The following CCDC38 variants were observed in gnomAD, a reference collection of about 807,000 sequenced individuals.
CCDC38 encodes the protein coiled-coil domain containing 38.
CCDC38 carries 69 observed loss-of-function variants against 72.8 expected under a neutral mutation model. The ratio of observed to expected loss-of-function variants is 0.95; its 90% CI spans 0.78 to 1.16. CCDC38 has a LOEUF of 1.16. Among genes scored for constraint, CCDC38 ranks in the 50% most tolerant of loss-of-function variants. The pLI, the probability that CCDC38 is intolerant of heterozygous loss-of-function variation, is 0.00. For missense variants in CCDC38, 626 were observed against 638.9 expected (o/e 0.98, Z 0.22); for synonymous variants, 201 against 213.2 (o/e 0.94, Z 0.50).
intron 4 of CCDC38, among the ~76,000 whole-genome samples, chr12:95,912,987 G>T (rs1274106846): frequency 6.6e-6 from 1 of 152,112 alleles, no homozygotes; most frequent in Non-Finnish European, 1.5e-5. Context: ...GATCCCTTGA[G>T]CCAGGAGGTC....
chr12:95,927,923 G>C (rs2080290852), intron 2 of CCDC38, among the ~76,000 whole-genome samples: 2 of 149,708 alleles, frequency 1.3e-5, no homozygotes, highest in African/African-American at 4.9e-5. Context: ...TAGTCTGATG[G>C]GCTTCCCTTT....
chr12:95,880,282 A>C (rs74889556), intron 11 of CCDC38, among the ~76,000 whole-genome samples: 6,559 of 152,286 alleles, frequency 0.043, 460 homozygotes, highest in East Asian at 0.36. Context: ...CAAGACATGG[A>C]AGCAAGAATG....
At chr12:95,933,207 G>T (rs993167291) in intron 2 of CCDC38, 2 of 152,066 alleles carry the variant, frequency 1.3e-5, no homozygotes, top group African/African-American at 4.8e-5. Context: ...GCTATATTAA[G>T]ATTAAAGACT....
At chr12:95,934,547 C>T (rs923700810) in intron 2 of CCDC38, 3 of 151,952 alleles carry the variant, frequency 2.0e-5, no homozygotes, top group Admixed American at 1.3e-4. Flanking sequence ...AAATCTTAGC[C>T]CTGTCACAGT....
chr12:95,877,061 T>C (rs1320235013), intron 13 of CCDC38, among the ~76,000 whole-genome samples: 3 of 152,100 alleles, frequency 2.0e-5, no homozygotes, highest in Non-Finnish European at 4.4e-5. Context: ...ACAAGTTTTA[T>C]TGGGGATGAA....
intron 14 of CCDC38, chr12:95,869,821 A>T (rs1263797525): frequency 5.0e-5 from 14 of 278,396 alleles, no homozygotes; most frequent in Admixed American, 3.5e-4. Flanking sequence ...ATCTTGGTCT[A>T]TTTTTTTTTT....
intron 9 of CCDC38, among the ~76,000 whole-genome samples, chr12:95,889,807 A>G (rs1329998321): frequency 1.3e-5 from 2 of 152,200 alleles, no homozygotes; most frequent in African/African-American, 2.4e-5. Flanking sequence ...TCCCACAAGA[A>G]AGTTCCCAAC....
intron 2 of CCDC38, among the ~76,000 whole-genome samples, chr12:95,928,214 A>G: frequency 6.6e-6 from 1 of 151,786 alleles, no homozygotes; most frequent in East Asian, 1.9e-4. Context: ...ATAGTCCCAT[A>G]TTTCTTGGAG....
At chr12:95,868,138 C>G (rs114922564) in intron 15 of CCDC38, among the ~76,000 whole-genome samples, 26 of 152,252 alleles carry the variant, frequency 1.7e-4, no homozygotes, top group Middle Eastern at 3.4e-3. Flanking sequence ...AGTGTCCTAA[C>G]TGGGTCAGCT....
intron 4 of CCDC38, among the ~76,000 whole-genome samples, chr12:95,908,023 ACTTCCCAGACGGGGTGGCGGC>A (rs2080031444): frequency 3.9e-5 from 6 of 152,084 alleles, no homozygotes; most frequent in African/African-American, 4.8e-5. Flanking sequence ...GACGCTCCTC[ACTTCCCAGACGGGGTGGCGGC>A]CTTCCCAGAT....
chr12:95,932,115 G>A (rs1001610149), intron 2 of CCDC38, among the ~76,000 whole-genome samples: 4 of 152,116 alleles, frequency 2.6e-5, no homozygotes, highest in Non-Finnish European at 5.9e-5. Context: ...GTATTGGAGG[G>A]CTTTGAACAG....
rs1488218338 is a variant in CCDC38, at chr12:95,907,801, C to T, written c.305-1350G>A. On this transcript the variant is annotated intron_variant, in intron 4 of 15. Transcript: ENST00000344280. ...GCAGAGACGCTCCTCACATCCCGGA[C>T]GGGGCGACAGGGCAGAGGCGCTCCC... Among the ~76,000 whole-genome samples, 7 of 150,794 alleles carry T rather than the reference C, an allele frequency of 4.6e-5. 1 individual carries two copies. The highest frequency in any genetic ancestry group is 1.5e-4 in the African/African-American group (6 of 41,000).
At chr12:95,906,024 C>T (rs1490763865) in intron 5 of CCDC38, among the ~76,000 whole-genome samples, 4 of 152,134 alleles carry the variant, frequency 2.6e-5, no homozygotes, top group African/African-American at 9.7e-5. Context: ...GGAGAAGCTG[C>T]ATTAAATAGG....
intron 2 of CCDC38, among the ~76,000 whole-genome samples, chr12:95,922,658 T>G (rs1490874718): frequency 1.3e-5 from 2 of 152,220 alleles, no homozygotes; most frequent in East Asian, 3.9e-4. Flanking sequence ...TGGTTAGGCT[T>G]TTGGGGCCCT....
At chr12:95,888,385 GA>G (rs1168641953) in intron 10 of CCDC38, 72 bp downstream of exon 10, 1 of 1,357,574 alleles carries the variant, frequency 7.4e-7, no homozygotes, top group Non-Finnish European at 1.1e-6. Context: ...TATATGTTGA[GA>G]AAAGGCTTTA....
chr12:95,933,012 T>C (rs923392481), intron 2 of CCDC38, among the ~76,000 whole-genome samples: 2 of 152,140 alleles, frequency 1.3e-5, no homozygotes, highest in Non-Finnish European at 2.9e-5. Flanking sequence ...TAAAAGGAAA[T>C]TGGATCTTTA....
intron 1 of CCDC38, among the ~76,000 whole-genome samples, chr12:95,941,136 T>C (rs985380843): frequency 6.6e-5 from 10 of 152,212 alleles, no homozygotes; most frequent in African/African-American, 2.4e-4. Flanking sequence ...GTTGTCTGTC[T>C]GGACTGTGAA....
intron 2 of CCDC38, among the ~76,000 whole-genome samples, chr12:95,922,257 C>A (rs1314059161): frequency 6.6e-6 from 1 of 152,102 alleles, no homozygotes; most frequent in Admixed American, 6.6e-5. Flanking sequence ...GAGTGAATCC[C>A]CCATCCTAAA....
At chr12:95,874,156 C>T (rs1204882572) in intron 13 of CCDC38, among the ~76,000 whole-genome samples, 2 of 152,142 alleles carry the variant, frequency 1.3e-5, no homozygotes, top group African/African-American at 2.4e-5. Context: ...AGTAACCCAT[C>T]GGATTGAAAT....
Sources: gnomAD v4.1 joint callset for allele counts (sites outside exome capture counted in the v4.1 genomes callset) on GRCh38, gnomAD v4.1.1 for gene constraint, MANE v1.5 for transcripts, NCBI Gene and HGNC (gene_info 2026-07-23, HGNC 2026-07-21) for gene names.